The following CHD9 variants were observed in gnomAD, a reference collection of about 807,000 sequenced individuals.
CHD9 encodes chromodomain helicase DNA binding protein 9.
In CHD9, 77 loss-of-function variants were observed where a neutral mutation model predicts 316.1. The observed-to-expected ratio is 0.24, with a 90% CI of 0.20 to 0.29. The LOEUF is 0.29. CHD9 is among the 10% of genes least tolerant of loss of function. The probability of loss-of-function intolerance (pLI) is 1.00; values close to 1 mark genes in which losing one functional copy is unlikely to be tolerated. For synonymous variants in CHD9, 1,129 were observed against 1,158.3 expected (o/e 0.97, Z 0.51); for missense variants, 2,763 against 3,438.1 (o/e 0.80, Z 4.91).
intron 3 of CHD9, 85 bp from the exon 4 acceptor site, chr16:53,222,559 A>C: frequency 1.5e-6 from 1 of 669,512 alleles, no homozygotes; most frequent in Non-Finnish European, 2.6e-6. Context: ...AAAGTGGAAG[A>C]AAGTTTATCA....
chr16:53,305,675 T>C (rs551795326), intron 31 of CHD9, among the ~76,000 whole-genome samples: 1 of 152,222 alleles, frequency 6.6e-6, no homozygotes, highest in Non-Finnish European at 1.5e-5. Flanking sequence ...GAACAGTGTT[T>C]GGTGGTCCCC....
At chr16:53,181,217 G>T (rs1326937105) in intron 2 of CHD9, among the ~76,000 whole-genome samples, 1 of 152,026 alleles carries the variant, frequency 6.6e-6, no homozygotes, top group Non-Finnish European at 1.5e-5. Flanking sequence ...CTCCATGTTG[G>T]TCAGGCTGGT....
chr16:53,112,044 G>A (rs2037910133), intron 1 of CHD9, among the ~76,000 whole-genome samples: 1 of 152,322 alleles, frequency 6.6e-6, no homozygotes, highest in Non-Finnish European at 1.5e-5. Context: ...ATTCCAGCTT[G>A]TATCAGTGCC....
intron 2 of CHD9, among the ~76,000 whole-genome samples, chr16:53,209,168 A>G (rs1290983416): frequency 2.0e-5 from 3 of 152,190 alleles, no homozygotes; most frequent in Non-Finnish European, 4.4e-5. Context: ...AATGCACAGA[A>G]TATTTATGGG....
chr16:53,254,627 C>T lies in CHD9; in HGVS notation c.4029+22C>T, dbSNP rs116443847. The T allele has an allele frequency of 3.5e-5, 54 of 1,553,926 alleles. No homozygotes were observed. In the African/African-American group the frequency reaches 6.8e-4, roughly 20 times the overall value. ...TGGTGTATGTATAGTTTCTTTTTCACTTGAGATTTTTGTGTGTTTTTGCAT... is the reference window on the plus strand; with the variant it reads ...TGGTGTATGTATAGTTTCTTTTTCATTTGAGATTTTTGTGTGTTTTTGCAT... On this transcript the variant is annotated intron_variant, in intron 18 of 38. Transcript: ENST00000447540.
At chr16:53,272,373 A>G (rs1258604444) in intron 22 of CHD9, among the ~76,000 whole-genome samples, 1 of 152,122 alleles carries the variant, frequency 6.6e-6, no homozygotes, top group Non-Finnish European at 1.5e-5. Flanking sequence ...ACCTCTGCCA[A>G]AATTATAAGG....
Position 53,318,347 on chromosome 16 carries a change from T to C in CHD9, c.7713+7T>C. 1 of 1,587,874 alleles carries C rather than the reference T, an allele frequency of 6.3e-7. No homozygotes were observed. The highest frequency in any genetic ancestry group is 8.6e-7 in the Non-Finnish European group (1 of 1,168,794). On this transcript the variant is annotated splice_region_variant and intron_variant, in intron 37 of 38. Transcript: ENST00000447540. ...CAGAAGAAATGCTAGAAAGGTATTT[T>C]AATGTTTTTTTCTTAATCTTTTGTA...
chr16:53,314,976 A>G lies in CHD9; in HGVS notation c.7516A>G (p.Arg2506Gly). Residue 2506 changes from arginine to glycine, a missense_variant, in exon 36 of 39, where the codon AGA becomes GGA. This residue lies in a region of CHD9 where 663 missense variants were observed against 751.2 expected (regional missense o/e 0.88). Coordinates refer to ENST00000447540, the MANE Select transcript of CHD9 (RefSeq NM_001308319.2). ...ACTTGCAGGAGATGATGCACCAAAG[A>G]GAAAGGATTTGGAAAAATGGCTTAA... is the stretch of plus-strand genomic sequence containing the variant. ...TRLAGDDAPK[R>G]KDLEKWLKEH... is the part of the protein sequence containing the mutation. The G allele has an allele frequency of 6.2e-7, 1 of 1,613,898 alleles. No individual in the cohort carries two copies. Among genetic ancestry groups the G allele is most frequent in the Non-Finnish European group, 8.5e-7 (1 of 1,179,838 alleles).
intron 1 of CHD9, among the ~76,000 whole-genome samples, chr16:53,084,420 C>T (rs1817113249): frequency 6.6e-6 from 1 of 152,136 alleles, no homozygotes; most frequent in African/African-American, 2.4e-5. Context: ...TTGGTAAGGA[C>T]CCAACTGGCA....
intron 1 of CHD9, among the ~76,000 whole-genome samples, chr16:53,076,527 A>G (rs1032858473): frequency 3.9e-5 from 6 of 152,150 alleles, no homozygotes; most frequent in African/African-American, 1.2e-4. Context: ...ATGAGCCGAG[A>G]TCATGCCAGG....
chr16:53,135,786 A>G (rs2039670729), intron 1 of CHD9, among the ~76,000 whole-genome samples: 1 of 152,208 alleles, frequency 6.6e-6, no homozygotes, highest in African/African-American at 2.4e-5. Flanking sequence ...AGGAAGAAGC[A>G]AGCTTCATAT....
chr16:53,191,999 T>C (rs186473836), intron 2 of CHD9, among the ~76,000 whole-genome samples: 1 of 152,022 alleles, frequency 6.6e-6, no homozygotes, highest in East Asian at 1.9e-4. Flanking sequence ...AATTTGTGTT[T>C]TACTGATGGA....
At chr16:53,144,094 A>G (rs1302945443) in intron 1 of CHD9, among the ~76,000 whole-genome samples, 1 of 152,136 alleles carries the variant, frequency 6.6e-6, no homozygotes, top group Admixed American at 6.5e-5. Flanking sequence ...TTCTTTTTAG[A>G]TATGGAGCTT....
chr16:53,244,923 G>GT (rs2152955307), intron 13 of CHD9, among the ~76,000 whole-genome samples: 1 of 152,094 alleles, frequency 6.6e-6, no homozygotes, highest in African/African-American at 2.4e-5. Context: ...GACCAGCTGG[G>GT]TAACATAGTA....
intron 2 of CHD9, among the ~76,000 whole-genome samples, chr16:53,201,416 G>A (rs1210111433): frequency 1.3e-5 from 2 of 152,044 alleles, no homozygotes. Flanking sequence ...ATGTCTTAAA[G>A]TGTGATCCTG....
At chr16:53,131,982 G>T (rs964864844) in intron 1 of CHD9, among the ~76,000 whole-genome samples, 2 of 152,204 alleles carry the variant, frequency 1.3e-5, no homozygotes, top group South Asian at 4.1e-4. Flanking sequence ...GGCTCTCTGC[G>T]TGGACATCCA....
In CHD9 at chr16:53,140,416, C is replaced by CA. The variant is rs544725340; in HGVS notation, c.-164-15493dup. On this transcript the variant is annotated intron_variant, in intron 1 of 38. Coordinates refer to ENST00000447540, the MANE Select transcript of CHD9 (RefSeq NM_001308319.2). ...TGGGTGACAGAGCACAACTCTGTCT[C>CA]AAAAAAAAAAAAAAAAAGAATATTT... 4.6e-3 allele frequency among the ~76,000 whole-genome samples: 456 copies of CA among 99,224 alleles called. 3 individuals carry two copies. Among genetic ancestry groups the CA allele is most frequent in the Middle Eastern group, 0.011 (2 of 188 alleles). The allele number at this position is 99,224 out of a possible 152,430, so 65.1% of individuals were successfully genotyped here.
intron 1 of CHD9, among the ~76,000 whole-genome samples, chr16:53,137,783 C>A (rs2039830306): frequency 6.6e-6 from 1 of 152,068 alleles, no homozygotes; most frequent in South Asian, 2.1e-4. Context: ...TAACAGAACC[C>A]AGTTTTATGT....
In CHD9 at chr16:53,228,537, G is replaced by GTTTTTTT. The variant is rs758037912; in HGVS notation, c.2169-431_2169-425dup. Among the ~76,000 whole-genome samples, 16 of 105,050 alleles carry GTTTTTTT rather than the reference G, an allele frequency of 1.5e-4. 1 individual carries two copies. The highest frequency in any genetic ancestry group is 2.1e-4 in the Non-Finnish European group (11 of 53,402). The allele number at this position is 105,050 out of a possible 152,430, so 68.9% of individuals were successfully genotyped here. A position where few individuals can be genotyped will look rare whatever the true frequency, so the allele number is the denominator to read the frequency against. On this transcript the variant is annotated intron_variant, in intron 7 of 38. Transcript: ENST00000447540. The stretch of plus-strand genomic sequence containing the variant: ...CTTATCTTTGTACCTCCATGAAAGT[G>GTTTTTTT]TTTTTTTTTTTTTTTTTTTTTGAGA...
Sources: gnomAD v4.1 joint callset for allele counts (sites outside exome capture counted in the v4.1 genomes callset) on GRCh38, gnomAD v4.1.1 for gene constraint, gnomAD v4.1.1 regional missense constraint, MANE v1.5 for transcripts, NCBI Gene and HGNC (gene_info 2026-07-23, HGNC 2026-07-21) for gene names.